MYL5: variants seen among roughly 807,000 people sequenced by gnomAD.
MYL5 encodes myosin regulatory light chain 5.
Under a neutral mutation model 20.8 loss-of-function variants are expected in MYL5, and 28 were observed. That is an observed-to-expected ratio of 1.35 (90% CI 1.00 to 1.84). The LOEUF is 1.84. MYL5 is among the 40% of genes most tolerant of loss of function. MYL5 has a pLI of 0.00. For missense variants in MYL5, 274 were observed against 227.3 expected, an observed-to-expected ratio of 1.21 and a Z score of -1.32; for synonymous variants, 118 against 87.4, an observed-to-expected ratio of 1.35 and a Z score of -1.95.
intron 2 of MYL5, 40 bp downstream of exon 4, chr4:678,805 G>C: frequency 6.2e-7 from 1 of 1,608,690 alleles, no homozygotes. Flanking sequence ...CCACCCCCAG[G>C]AGCCTGTGCT....
chr4:681,962 G>C, exon 7 of MYL5: 2 of 1,371,758 alleles, frequency 1.5e-6, no homozygotes, highest in South Asian at 1.9e-5. Flanking sequence ...GCTCAGCTAC[G>C]TGATCACCCA....
chr4:677,276 G>C (rs1738937764), upstream of MYL5, among the ~76,000 whole-genome samples: 1 of 152,172 alleles, frequency 6.6e-6, no homozygotes, highest in Non-Finnish European at 1.5e-5. Context: ...TGCTGACTCT[G>C]TGGTGGCCTC....
upstream of MYL5, among the ~76,000 whole-genome samples, chr4:677,525 C>T (rs1231815365): frequency 6.6e-6 from 1 of 152,234 alleles, no homozygotes; most frequent in Non-Finnish European, 1.5e-5. Flanking sequence ...AGGCTATGGA[C>T]TGACTTCTGT....
chr4:682,005 G>C, exon 7 of MYL5: 1 of 1,423,472 alleles, frequency 7.0e-7, no homozygotes, highest in Non-Finnish European at 9.3e-7. Context: ...GACCCAGCCG[G>C]GTCAATAAAC....
chr4:681,967 C>T (rs1339050409), exon 7 of MYL5: 1 of 1,373,382 alleles, frequency 7.3e-7, no homozygotes, highest in Non-Finnish European at 9.5e-7. Flanking sequence ...GCTACGTGAT[C>T]ACCCACGGGG....
chr4:680,956 CA>C lies in MYL5; in HGVS notation c.372-135del. 4 of 1,011,150 alleles carry C rather than the reference CA, an allele frequency of 4.0e-6. No homozygotes were observed. The East Asian group carries it at 1.0e-4, about 26-fold the overall frequency. 62.6% of individuals were successfully genotyped at this position (1,011,150 alleles called of 1,614,324 possible). On this transcript the variant is annotated intron_variant, in intron 5 of 6. Coordinates refer to ENST00000400159, the Ensembl canonical transcript of MYL5. The stretch of plus-strand genomic sequence containing the variant: ...GTGTGTGTTGGGAAGGGACCTGCCC[CA>C]GGGCCACACTCCAGCGGGAAGGGCG...
At chr4:681,265 C>A in intron 6 of MYL5, 125 bp downstream of exon 8, 2 of 1,151,066 alleles carry the variant, frequency 1.7e-6, no homozygotes, top group Non-Finnish European at 2.5e-6. Context: ...CAGAACAGGC[C>A]CCCGGGGGGC....
intron 6 of MYL5, among the ~76,000 whole-genome samples, chr4:681,594 G>A (rs1210266994): frequency 8.0e-6 from 1 of 124,766 alleles, no homozygotes; most frequent in East Asian, 2.5e-4. Flanking sequence ...GGCTGCAGCC[G>A]CCGCCGCCCC....
At chr4:678,363 G>A (rs1360755236) in intron 1 of MYL5, 1 of 1,413,770 alleles carries the variant, frequency 7.1e-7, no homozygotes, top group African/African-American at 1.4e-5. Flanking sequence ...CAAGCCTTCA[G>A]AGGCCAAGCT....
At chr4:677,889 T>C, upstream of MYL5, 4 of 1,459,200 alleles carry the variant, frequency 2.7e-6, no homozygotes, top group Non-Finnish European at 3.8e-6. Flanking sequence ...AGCTGTCCAG[T>C]CCCCTGGGGT....
At chr4:680,727 C>A in intron 5 of MYL5, 140 bp downstream of exon 7, 6 of 844,692 alleles carry the variant, frequency 7.1e-6, no homozygotes, top group Non-Finnish European at 1.1e-5. Flanking sequence ...GAGGAGCGAA[C>A]CCAGGATCCC....
intron 4 of MYL5, 79 bp downstream of exon 6, chr4:680,097 T>C: frequency 7.5e-7 from 1 of 1,341,090 alleles, no homozygotes; most frequent in Non-Finnish European, 1.0e-6. Flanking sequence ...CGTAAAAATC[T>C]CTCTTTTCCA....
intron 1 of MYL5, 150 bp from the exon 4 acceptor site, chr4:678,508 A>C (rs1739085534): frequency 6.9e-7 from 1 of 1,444,356 alleles, no homozygotes; most frequent in Non-Finnish European, 9.1e-7. Context: ...CCCAGGCCTG[A>C]GGCTGGCATG....
At chr4:675,884 T>G (rs1351653146), upstream of MYL5, 1 of 152,278 alleles carries the variant, frequency 6.6e-6, no homozygotes, top group Admixed American at 6.5e-5. Flanking sequence ...TGAACTGAGG[T>G]GGAATAGTTT....
chr4:676,883 G>T (rs1283259682), upstream of MYL5: 1 of 985,290 alleles, frequency 1.0e-6, no homozygotes, highest in Non-Finnish European at 1.2e-6. Flanking sequence ...CTCAACCTCA[G>T]GAGTCAGTGC....
intron 2 of MYL5, 87 bp from the exon 5 acceptor site, chr4:678,867 CCTCA>C: frequency 6.2e-7 from 1 of 1,608,910 alleles, no homozygotes; most frequent in Non-Finnish European, 8.5e-7. Context: ...GGAAGCCTAT[CCTCA>C]GTCAGGGGTG....
intron 6 of MYL5, among the ~76,000 whole-genome samples, chr4:681,360 G>C (rs1208247618): frequency 6.6e-6 from 1 of 152,090 alleles, no homozygotes; most frequent in Admixed American, 6.5e-5. Flanking sequence ...TTAGATCAGC[G>C]GCTGGAGACC....
chr4:678,776 C>T lies in MYL5; in HGVS notation c.111+11C>T. ...CAGGAGTTCAAGGAGGTGAGACTTT[C>T]CTGCTTCACTGGGAGCCCCCACCCC... On this transcript the variant is annotated intron_variant, in intron 2 of 6. Transcript: ENST00000400159. 6.2e-7 allele frequency: 1 copy of T among 1,608,442 alleles called. No homozygotes were observed. Among genetic ancestry groups the T allele is most frequent in the Non-Finnish European group, 8.5e-7 (1 of 1,177,622 alleles).
chr4:677,138 CT>C (rs762690686), upstream of MYL5, among the ~76,000 whole-genome samples: 1 of 152,240 alleles, frequency 6.6e-6, no homozygotes, highest in Non-Finnish European at 1.5e-5. Flanking sequence ...CTGTTACCTA[CT>C]GCGTCCCACG....
Sources: gnomAD v4.1 joint callset for allele counts (sites outside exome capture counted in the v4.1 genomes callset) on GRCh38, gnomAD v4.1.1 for gene constraint, MANE v1.5 for transcripts, NCBI Gene and HGNC (gene_info 2026-07-23, HGNC 2026-07-21) for gene names.